Variants in TTC39A observed in about 807,000 individuals in gnomAD.
TTC39A encodes tetratricopeptide repeat protein 39A.
TTC39A carries 46 observed loss-of-function variants against 82.3 expected under a neutral mutation model. The observed-to-expected ratio is 0.56, with a 90% CI of 0.44 to 0.71. The LOEUF (loss-of-function observed/expected upper bound fraction) is 0.71, where lower values mean the gene tolerates loss of function less well. TTC39A is among the 30% of genes least tolerant of loss of function. The pLI, the probability that TTC39A is intolerant of heterozygous loss-of-function variation, is 0.00. For synonymous variants in TTC39A, 254 were observed against 275.2 expected (o/e 0.92, Z 0.76); for missense variants, 543 against 712.9 (o/e 0.76, Z 2.71).
At position 51,303,960 on chromosome 1, in the gene TTC39A, GA is replaced by G. The variant is rs148338965; in HGVS notation, c.655-769del. On this transcript the variant is annotated intron_variant, in intron 8 of 17. Transcript: ENST00000680483. Reference sequence around the variant, plus strand: ...AATGTTTTCCAAAGCTCGGGCAGCAGATAGCAGCTAAGATTTCAGGGGTCCA... The same window carrying G: ...AATGTTTTCCAAAGCTCGGGCAGCAGTAGCAGCTAAGATTTCAGGGGTCCA... Among the ~76,000 whole-genome samples the G allele has an allele frequency of 7.7e-4, 117 of 152,348 alleles. 2 individuals carry two copies. The East Asian group carries it at 0.021, about 27-fold the overall frequency.
chr1:51,333,736 G>A (rs541766994), upstream of TTC39A, among the ~76,000 whole-genome samples: 1 of 152,156 alleles, frequency 6.6e-6, no homozygotes, highest in Non-Finnish European at 1.5e-5. Flanking sequence ...GTGGTGGGGA[G>A]CAGAGAGTGA....
chr1:51,301,619 A>T lies in TTC39A; in HGVS notation c.1006T>A (p.Ser336Thr), dbSNP rs373776775. The change falls in exon 12 of 18, where the codon TCC becomes ACC. Residue 336 changes from serine to threonine, a missense_variant. Coordinates refer to ENST00000680483, the MANE Select transcript of TTC39A (RefSeq NM_001297663.2). ...CFTYKGQWKM[S>T]YFYADLLSKE... Reference sequence around the variant, plus strand: ...CTGAGCAGGTCGGCGTAGAAGTAGGACATCTTCCACTGGCCCTTGTAGGTG... The same window carrying T: ...CTGAGCAGGTCGGCGTAGAAGTAGGTCATCTTCCACTGGCCCTTGTAGGTG... 6.2e-7 allele frequency: 1 copy of T among 1,613,580 alleles called. No homozygotes were observed.
upstream of TTC39A, chr1:51,331,251 C>T (rs955459049): frequency 1.3e-6 from 2 of 1,549,180 alleles, no homozygotes; most frequent in East Asian, 2.4e-5. Context: ...CCTGCATTCC[C>T]AGTGCCTGTG....
At chr1:51,305,835 A>T in intron 7 of TTC39A, 142 bp downstream of exon 7, 1 of 789,570 alleles carries the variant, frequency 1.3e-6, no homozygotes, top group South Asian at 1.7e-5. Flanking sequence ...AAGGCTGGCC[A>T]CATGTCTGGT....
intron 1 of TTC39A, chr1:51,322,357 C>G (rs1219764758): frequency 7.9e-7 from 1 of 1,270,608 alleles, no homozygotes; most frequent in Non-Finnish European, 1.0e-6. Flanking sequence ...TTCACTTTGC[C>G]AATGGCTCCT....
chr1:51,326,731 C>T (rs932293391), intron 1 of TTC39A, among the ~76,000 whole-genome samples: 14 of 152,208 alleles, frequency 9.2e-5, no homozygotes, highest in African/African-American at 2.2e-4. Context: ...CAGCGCCAAA[C>T]CTTTCCCCTC....
intron 2 of TTC39A, among the ~76,000 whole-genome samples, chr1:51,316,723 A>T (rs1364927375): frequency 6.6e-6 from 1 of 152,198 alleles, no homozygotes; most frequent in African/African-American, 2.4e-5. Context: ...CTCTTCCCTC[A>T]GAAAACTACA....
intron 2 of TTC39A, among the ~76,000 whole-genome samples, chr1:51,320,982 C>A (rs1645496110): frequency 6.6e-6 from 1 of 151,410 alleles, no homozygotes; most frequent in African/African-American, 2.4e-5. Flanking sequence ...AAGTGATTCC[C>A]CTTCCTCAGC....
intron 12 of TTC39A, chr1:51,300,246 A>T (rs1193284422): frequency 6.6e-6 from 1 of 152,218 alleles, no homozygotes; most frequent in African/African-American, 2.4e-5. Flanking sequence ...GGTGTGGAGG[A>T]CATGACAGGT....
chr1:51,343,970 G>C (rs1435011737), intron 1 of TTC39A, among the ~76,000 whole-genome samples: 2 of 152,188 alleles, frequency 1.3e-5, no homozygotes, highest in African/African-American at 4.8e-5. Flanking sequence ...TGTGGAAAGG[G>C]AGAGACAGGA....
chr1:51,314,944 T>C (rs953477351), intron 2 of TTC39A, among the ~76,000 whole-genome samples: 1 of 152,206 alleles, frequency 6.6e-6, no homozygotes, highest in African/African-American at 2.4e-5. Flanking sequence ...CTCCGTGTCC[T>C]GCGTCACTTC....
chr1:51,288,911 AGG>A lies in TTC39A; in HGVS notation c.1536_1537del (p.Leu513AlafsTer154), dbSNP rs1220601973. The stretch of plus-strand genomic sequence containing the variant: ...CATAAGCAGCAGGGCCAGCTCCAGC[AGG>A]GCGTTTGGGATCAAGTAGTGGTCAT... On this transcript the variant is annotated frameshift_variant, in exon 17 of 18. Transcript: ENST00000680483. LOFTEE classifies it high-confidence loss of function. This position sits in a 1 kb window ranked among gnomAD's most constrained non-coding sequence, Gnocchi z 4.8. 11 of 1,611,992 alleles carry A rather than the reference AGG, an allele frequency of 6.8e-6. No homozygotes were observed. The highest frequency in any genetic ancestry group is 1.3e-5 in the African/African-American group (1 of 74,928).
At chr1:51,331,023 G>A (rs906525888), upstream of TTC39A, 11 of 755,772 alleles carry the variant, frequency 1.5e-5, no homozygotes, top group Admixed American at 2.2e-4. Context: ...CAGAAGGCGG[G>A]GAAAACACGG....
intron 12 of TTC39A, chr1:51,299,688 G>A (rs1362708873): frequency 1.3e-5 from 2 of 152,376 alleles, no homozygotes; most frequent in Non-Finnish European, 2.9e-5. Context: ...TGGGAGGCCT[G>A]GCCCACCTTC....
In TTC39A at chr1:51,294,029, C is replaced by A. The variant is rs1055539772; in HGVS notation, c.1266+362G>T. Among the ~76,000 whole-genome samples the A allele has an allele frequency of 1.3e-5, 2 of 152,276 alleles. No homozygotes were observed. Among genetic ancestry groups the A allele is most frequent in the Non-Finnish European group, 1.5e-5 (1 of 68,022 alleles). On this transcript the variant is annotated intron_variant, in intron 14 of 17. Coordinates refer to ENST00000680483, the MANE Select transcript of TTC39A (RefSeq NM_001297663.2). This position sits in a 1 kb window ranked among gnomAD's most constrained non-coding sequence, Gnocchi z 4.3. ...TTGAATATAACGTGAAAAGGTTGGC[C>A]GAGTGAGGGGGACCGTGAAAACAAT... is the stretch of plus-strand genomic sequence containing the variant.
chr1:51,312,671 G>C (rs1645128413), intron 3 of TTC39A, 141 bp downstream of exon 3: 11 of 1,277,076 alleles, frequency 8.6e-6, no homozygotes, highest in Non-Finnish European at 5.4e-6. Flanking sequence ...GGGCCAACAG[G>C]GACAGCTCTT....
chr1:51,301,527 T>G, intron 12 of TTC39A, 45 bp downstream of exon 12: 1 of 1,542,690 alleles, frequency 6.5e-7, no homozygotes, highest in Non-Finnish European at 8.8e-7. Flanking sequence ...AGGCACACAG[T>G]CAGCCCTGGT....
chr1:51,302,534 A>G lies in TTC39A; in HGVS notation c.803T>C (p.Leu268Ser), dbSNP rs528973912. Reference protein sequence around the residue: ...NVNIEEAEKLLKPYLNRYPKG... With the variant: ...NVNIEEAEKLSKPYLNRYPKG... ...AGGGTACCGGTTCAGGTAGGGCTTCAAGAGCTTCTCGGCCTCCTCGATGTT... is the reference window on the plus strand; with the variant it reads ...AGGGTACCGGTTCAGGTAGGGCTTCGAGAGCTTCTCGGCCTCCTCGATGTT... Residue 268 changes from leucine to serine, a missense_variant, in exon 10 of 18, where the codon TTG (leucine) becomes TCG (serine). Transcript: ENST00000680483. The G allele has an allele frequency of 6.2e-7, 1 of 1,609,124 alleles. No individual in the cohort carries two copies. The highest frequency in any genetic ancestry group is 1.7e-5 in the Admixed American group (1 of 59,246).
At chr1:51,289,486 T>C (rs373961712) in intron 16 of TTC39A, among the ~76,000 whole-genome samples, 5 of 152,204 alleles carry the variant, frequency 3.3e-5, no homozygotes, top group Admixed American at 1.3e-4. Flanking sequence ...GTCCATGCAC[T>C]GGTGCATGCT....
Sources: gnomAD v4.1 joint callset for allele counts (sites outside exome capture counted in the v4.1 genomes callset) on GRCh38, gnomAD v4.1.1 for gene constraint, Gnocchi (gnomAD v3.1) non-coding constraint, MANE v1.5 for transcripts, NCBI Gene and HGNC (gene_info 2026-07-23, HGNC 2026-07-21) for gene names.